The following DLG1 variants were observed in gnomAD, a reference collection of about 807,000 sequenced individuals.
DLG1 encodes the protein disks large homolog 1.
In DLG1, 42 loss-of-function variants were observed where a neutral mutation model predicts 123.4. The observed-to-expected ratio is 0.34, with a 90% CI of 0.27 to 0.44. DLG1 has a LOEUF of 0.44. Ranked by LOEUF, DLG1 falls within the 20% of genes least tolerant of loss-of-function variation. DLG1 has a pLI of 1.00. For synonymous variants in DLG1, 317 were observed against 356.2 expected, an observed-to-expected ratio of 0.89 and a Z score of 1.24; for missense variants, 942 against 1,082.6, an observed-to-expected ratio of 0.87 and a Z score of 1.82.
intron 13 of DLG1, among the ~76,000 whole-genome samples, chr3:197,115,057 T>C (rs1772451081): frequency 6.8e-6 from 1 of 146,650 alleles, no homozygotes. Flanking sequence ...AACAAATAAC[T>C]GTACAATCCA....
Position 197,205,030 on chromosome 3 carries a change from T to C in DLG1, c.319-10441A>G, listed in dbSNP as rs71323792. Among the ~76,000 whole-genome samples, 644 of 152,288 alleles carry C rather than the reference T, an allele frequency of 4.2e-3. 1 individual carries two copies. Among genetic ancestry groups the C allele is most frequent in the Middle Eastern group, 0.02 (6 of 294 alleles). On this transcript the variant is annotated intron_variant, in intron 4 of 24. Coordinates refer to ENST00000667157, the MANE Select transcript of DLG1 (RefSeq NM_001366207.1). Reference sequence around the variant, plus strand: ...CATATACCAAGATAGGATTTCCACATACCAAACCATCTTGAACATACCAAA... The same window carrying C: ...CATATACCAAGATAGGATTTCCACACACCAAACCATCTTGAACATACCAAA...
chr3:197,129,351 T>C (rs992722477), intron 11 of DLG1, among the ~76,000 whole-genome samples: 5 of 152,194 alleles, frequency 3.3e-5, no homozygotes, highest in African/African-American at 1.2e-4. Context: ...CCTGCTAGCC[T>C]CACATTTCTC....
At chr3:197,229,742 GC>G (rs1741888933) in intron 4 of DLG1, among the ~76,000 whole-genome samples, 1 of 152,128 alleles carries the variant, frequency 6.6e-6, no homozygotes, top group African/African-American at 2.4e-5. Context: ...TTCTACATTT[GC>G]CTAAGAACTT....
intron 23 of DLG1, among the ~76,000 whole-genome samples, chr3:197,052,438 G>A (rs947533158): frequency 1.3e-5 from 2 of 152,118 alleles, no homozygotes; most frequent in Admixed American, 6.5e-5. Flanking sequence ...CTGGGTGACA[G>A]AGCGAGACTC....
At chr3:197,124,032 T>A (rs1777742829) in intron 11 of DLG1, among the ~76,000 whole-genome samples, 1 of 152,154 alleles carries the variant, frequency 6.6e-6, no homozygotes, top group African/African-American at 2.4e-5. Flanking sequence ...TGAGGCAGGA[T>A]CACTTGAGGT....
chr3:197,197,619 C>G (rs750920002), intron 4 of DLG1, among the ~76,000 whole-genome samples: 19 of 152,204 alleles, frequency 1.2e-4, no homozygotes, highest in Non-Finnish European at 2.5e-4. Flanking sequence ...CCATCAGGCA[C>G]TTTTCCCCCA....
intron 4 of DLG1, among the ~76,000 whole-genome samples, chr3:197,280,048 G>A (rs759436028): frequency 5.9e-5 from 9 of 152,028 alleles, no homozygotes; most frequent in South Asian, 2.1e-4. Flanking sequence ...TGTTGTTAAC[G>A]GTAGTCACCC....
At chr3:197,065,184 C>G (rs1738708397) in intron 22 of DLG1, 92 bp downstream of exon 22, 1 of 1,189,250 alleles carries the variant, frequency 8.4e-7, no homozygotes, top group African/African-American at 1.6e-5. Flanking sequence ...ATTAACAAAA[C>G]TAATTAGTGC....
intron 10 of DLG1, among the ~76,000 whole-genome samples, chr3:197,131,105 T>C (rs1302296529): frequency 6.6e-6 from 1 of 152,216 alleles, no homozygotes; most frequent in Non-Finnish European, 1.5e-5. Flanking sequence ...ACAAAACAGC[T>C]GCACAGTAGC....
intron 5 of DLG1, among the ~76,000 whole-genome samples, chr3:197,152,224 G>A (rs182930586): frequency 3.3e-5 from 5 of 152,228 alleles, no homozygotes; most frequent in East Asian, 3.9e-4. Flanking sequence ...ATGTCACTGA[G>A]TGGTAGAGGG....
At chr3:197,168,107 A>C (rs540696574) in intron 5 of DLG1, among the ~76,000 whole-genome samples, 1 of 152,356 alleles carries the variant, frequency 6.6e-6, no homozygotes, top group East Asian at 1.9e-4. Context: ...CTTTAATGTT[A>C]CATTTTAATC....
intron 3 of DLG1, among the ~76,000 whole-genome samples, chr3:197,285,723 G>C (rs1560158368): frequency 6.6e-6 from 1 of 152,148 alleles, no homozygotes; most frequent in Non-Finnish European, 1.5e-5. Flanking sequence ...AAAATCCAAA[G>C]CACCAACACT....
chr3:197,296,328 C>A lies in DLG1; in HGVS notation c.151+18G>T. 6.2e-7 allele frequency: 1 copy of A among 1,608,424 alleles called. No individual in the cohort carries two copies. Among genetic ancestry groups the A allele is most frequent in the South Asian group, 1.1e-5 (1 of 90,666 alleles). On this transcript the variant is annotated intron_variant, in intron 3 of 24. Coordinates refer to ENST00000667157, the MANE Select transcript of DLG1 (RefSeq NM_001366207.1). ...TAAAGCCTAGCTGGCATAATAGTTA[C>A]GAAGTTTTAATTCCCACCTATTAAA...
At chr3:197,276,883 A>C (rs571121816) in intron 4 of DLG1, among the ~76,000 whole-genome samples, 6 of 151,806 alleles carry the variant, frequency 4.0e-5, no homozygotes, top group African/African-American at 1.5e-4. Flanking sequence ...TATTTTTTTT[A>C]ATTTTTAACT....
At chr3:197,145,716 G>C (rs976836159) in intron 6 of DLG1, among the ~76,000 whole-genome samples, 1 of 151,888 alleles carries the variant, frequency 6.6e-6, no homozygotes, top group African/African-American at 2.4e-5. Context: ...AATATTCCTG[G>C]TGCTTAATTT....
chr3:197,199,090 T>C (rs1724226838), intron 4 of DLG1, among the ~76,000 whole-genome samples: 1 of 152,210 alleles, frequency 6.6e-6, no homozygotes, highest in Non-Finnish European at 1.5e-5. Flanking sequence ...TCATGATAAA[T>C]TGATGGATTA....
chr3:197,257,006 G>T (rs1199272971), intron 4 of DLG1, among the ~76,000 whole-genome samples: 1 of 151,902 alleles, frequency 6.6e-6, no homozygotes, highest in Non-Finnish European at 1.5e-5. Context: ...ACATTTTTAC[G>T]TGGCAGTCAA....
chr3:197,080,306 TCTCA>T (rs1359904518), intron 17 of DLG1, among the ~76,000 whole-genome samples: 1 of 111,294 alleles, frequency 9.0e-6, no homozygotes, highest in African/African-American at 3.6e-5. Context: ...TGAGACAGGG[TCTCA>T]CTCTGTCACC....
At chr3:197,083,576 T>C (rs1752436872) in intron 16 of DLG1, among the ~76,000 whole-genome samples, 2 of 152,144 alleles carry the variant, frequency 1.3e-5, no homozygotes, top group South Asian at 4.1e-4. Flanking sequence ...TTAGAAGAGG[T>C]CCTCTAAGCT....
Sources: gnomAD v4.1 joint callset for allele counts (sites outside exome capture counted in the v4.1 genomes callset) on GRCh38, gnomAD v4.1.1 for gene constraint, MANE v1.5 for transcripts, NCBI Gene and HGNC (gene_info 2026-07-23, HGNC 2026-07-21) for gene names.